The following PARVA variants were observed in gnomAD, a reference collection of about 807,000 sequenced individuals.
The protein encoded by PARVA is alpha-parvin.
PARVA carries 25 observed loss-of-function variants against 52.6 expected under a neutral mutation model. The ratio of observed to expected loss-of-function variants is 0.48; its 90% CI spans 0.35 to 0.66. The LOEUF is 0.66. Ranked by LOEUF, PARVA falls within the 30% of genes least tolerant of loss-of-function variation. PARVA has a pLI of 0.01. For missense variants in PARVA, 373 were observed against 450.9 expected (o/e 0.83, Z 1.56); for synonymous variants, 185 against 179.1 (o/e 1.03, Z -0.26).
chr11:12,498,071 T>C (rs1325277247), intron 5 of PARVA, among the ~76,000 whole-genome samples: 1 of 152,216 alleles, frequency 6.6e-6, no homozygotes, highest in Non-Finnish European at 1.5e-5. Context: ...AGTCTCACCC[T>C]TGCCCAGGCT....
chr11:12,460,492 C>CCATCAT (rs138442164), intron 1 of PARVA, among the ~76,000 whole-genome samples: 1 of 152,086 alleles, frequency 6.6e-6, no homozygotes, highest in African/African-American at 2.4e-5. Flanking sequence ...TGTGCCCTCA[C>CCATCAT]CATCATCATC....
chr11:12,378,548 C>T (rs1939438590), intron 1 of PARVA, among the ~76,000 whole-genome samples: 1 of 151,404 alleles, frequency 6.6e-6, no homozygotes, highest in Admixed American at 6.6e-5. Flanking sequence ...TTTTTCCCCA[C>T]CAGAGTGAAT....
chr11:12,525,821 G>T (rs1360627250), intron 12 of PARVA, among the ~76,000 whole-genome samples: 2 of 152,116 alleles, frequency 1.3e-5, no homozygotes, highest in Non-Finnish European at 2.9e-5. Context: ...GAAGCCCCTG[G>T]TCTATCAGTA....
chr11:12,483,284 C>T (rs1416112131), intron 4 of PARVA, among the ~76,000 whole-genome samples: 3 of 152,160 alleles, frequency 2.0e-5, no homozygotes, highest in African/African-American at 7.2e-5. Flanking sequence ...TAGGTTTTCC[C>T]AAAAGCAGAC....
At chr11:12,506,357 C>T (rs1051905921) in intron 6 of PARVA, among the ~76,000 whole-genome samples, 3 of 152,096 alleles carry the variant, frequency 2.0e-5, no homozygotes, top group African/African-American at 7.2e-5. Context: ...TGTAAATTGC[C>T]CTTCTTTATC....
chr11:12,446,405 AT>A (rs1940548446), intron 1 of PARVA, among the ~76,000 whole-genome samples: 1 of 152,086 alleles, frequency 6.6e-6, no homozygotes, highest in Non-Finnish European at 1.5e-5. Flanking sequence ...AGGCATTATA[AT>A]TTTTTTTCCT....
At chr11:12,482,011 T>C (rs534692321) in intron 4 of PARVA, among the ~76,000 whole-genome samples, 1 of 150,042 alleles carries the variant, frequency 6.7e-6, no homozygotes, top group East Asian at 2.0e-4. Context: ...CTCTTCTAAA[T>C]ACAAAAAATT....
At chr11:12,390,295 G>T (rs1044050116) in intron 1 of PARVA, among the ~76,000 whole-genome samples, 1 of 152,224 alleles carries the variant, frequency 6.6e-6, no homozygotes, top group East Asian at 1.9e-4. Context: ...AGAGCCCCTG[G>T]TGGGGATGGG....
Position 12,440,842 on chromosome 11 carries a change from C to T in PARVA, c.137-32903C>T, listed in dbSNP as rs550492854. Among the ~76,000 whole-genome samples, 51 of 152,324 alleles carry T rather than the reference C, an allele frequency of 3.3e-4. No homozygotes were observed. In the South Asian group the frequency reaches 8.9e-3, roughly 27 times the overall value. On this transcript the variant is annotated intron_variant, in intron 1 of 12. Transcript: ENST00000334956. ...GAATCCCTCTCATACTAAGTCTCTC[C>T]GACTTCCTCTTCTGCTACCTGCTTT...
At chr11:12,470,846 C>T (rs1940923849) in intron 1 of PARVA, among the ~76,000 whole-genome samples, 1 of 152,046 alleles carries the variant, frequency 6.6e-6, no homozygotes, top group Non-Finnish European at 1.5e-5. Context: ...AGAACATTCT[C>T]GCTGCACTGT....
rs1259774522 is a variant in PARVA at position 12,529,410 on chromosome 11, G to A, written c.*1485G>A. The A allele has an allele frequency of 6.6e-6, 1 of 152,222 alleles. No individual in the cohort carries two copies. The highest frequency in any genetic ancestry group is 1.9e-4 in the East Asian group (1 of 5,192). 9.4% of individuals were successfully genotyped at this position (152,222 alleles called of 1,614,324 possible). ...ACATACAGAGATAGAGGTGGGGCTT[G>A]TGGTACTTAACACTTGTAGCCATCA... On this transcript the variant is annotated 3_prime_UTR_variant, in exon 13 of 13. Transcript: ENST00000334956.
chr11:12,436,875 G>A (rs1442797322), intron 1 of PARVA, among the ~76,000 whole-genome samples: 1 of 152,180 alleles, frequency 6.6e-6, no homozygotes, highest in African/African-American at 2.4e-5. Flanking sequence ...AGTGGCTTAA[G>A]AACAACTCCA....
At chr11:12,402,221 G>A (rs754789071) in intron 1 of PARVA, among the ~76,000 whole-genome samples, 2 of 152,212 alleles carry the variant, frequency 1.3e-5, no homozygotes, top group Non-Finnish European at 2.9e-5. Context: ...ACAGGATATT[G>A]ACCAGCAGCT....
intron 10 of PARVA, among the ~76,000 whole-genome samples, chr11:12,515,123 G>A (rs1010279444): frequency 5.9e-5 from 9 of 152,190 alleles, no homozygotes; most frequent in Non-Finnish European, 1.2e-4. Flanking sequence ...TGATAACTTG[G>A]ATTATTTGGT....
chr11:12,387,441 C>T (rs1939588473), intron 1 of PARVA, among the ~76,000 whole-genome samples: 1 of 152,180 alleles, frequency 6.6e-6, no homozygotes, highest in Non-Finnish European at 1.5e-5. Context: ...CTGTCTGAAT[C>T]ATCACTGGGC....
At chr11:12,443,510 C>T in intron 1 of PARVA, among the ~76,000 whole-genome samples, 1 of 152,204 alleles carries the variant, frequency 6.6e-6, no homozygotes, top group Non-Finnish European at 1.5e-5. Context: ...ACCACTTCTT[C>T]TCTTGGGTGA....
chr11:12,472,109 A>C (rs1940942605), intron 1 of PARVA, among the ~76,000 whole-genome samples: 1 of 152,232 alleles, frequency 6.6e-6, no homozygotes. Context: ...GTACCTACAG[A>C]ATCATTTAAG....
chr11:12,446,855 C>T (rs1343061128), intron 1 of PARVA, among the ~76,000 whole-genome samples: 2 of 152,148 alleles, frequency 1.3e-5, no homozygotes, highest in Non-Finnish European at 2.9e-5. Context: ...TCAATGTAGC[C>T]AGGTTTTCCA....
intron 1 of PARVA, among the ~76,000 whole-genome samples, chr11:12,455,203 TG>T (rs902274287): frequency 6.6e-6 from 1 of 152,190 alleles, no homozygotes; most frequent in Non-Finnish European, 1.5e-5. Context: ...TCTCTCTTTT[TG>T]TGATGTTAGG....
Sources: gnomAD v4.1 joint callset for allele counts (sites outside exome capture counted in the v4.1 genomes callset) on GRCh38, gnomAD v4.1.1 for gene constraint, MANE v1.5 for transcripts, NCBI Gene and HGNC (gene_info 2026-07-23, HGNC 2026-07-21) for gene names.